LIMS2: variants seen among roughly 807,000 people sequenced by gnomAD.
LIMS2 encodes the protein LIM and senescent cell antigen-like-containing domain protein 2.
LIMS2 carries 30 observed loss-of-function variants against 45.3 expected under a neutral mutation model. The observed-to-expected ratio is 0.66, with a 90% CI of 0.50 to 0.90. LIMS2 has a LOEUF of 0.90. Ranked by LOEUF, LIMS2 falls within the 40% of genes least tolerant of loss-of-function variation. The probability of loss-of-function intolerance (pLI) is 0.00; values close to 1 mark genes in which losing one functional copy is unlikely to be tolerated. For synonymous variants in LIMS2, 173 were observed against 188.0 expected, an observed-to-expected ratio of 0.92 and a Z score of 0.65; for missense variants, 485 against 468.7, an observed-to-expected ratio of 1.03 and a Z score of -0.32.
At chr2:127,639,519 AG>A in intron 9 of LIMS2, 91 bp from the exon 10 acceptor site, 1 of 1,502,438 alleles carries the variant, frequency 6.7e-7, no homozygotes, top group Non-Finnish European at 9.1e-7. Flanking sequence ...CTCAGCCCCC[AG>A]CCTCCCCACA....
At chr2:127,659,464 G>GCC (rs1684474206) in intron 1 of LIMS2, among the ~76,000 whole-genome samples, 1 of 152,204 alleles carries the variant, frequency 6.6e-6, no homozygotes, top group South Asian at 2.1e-4. Context: ...CACCAAGGTG[G>GCC]AGCCTGGCCG....
rs1683096067 is a variant in LIMS2 at position 127,647,292 on chromosome 2, G to A, written c.360-4220C>T. ...GAGACAACTCCATGGCAAACTCTGA[G>A]ACTGAGTCACACTCCCCACCCTGGC... is the stretch of plus-strand genomic sequence containing the variant. On this transcript the variant is annotated intron_variant, in intron 4 of 9. Coordinates refer to ENST00000355119, the MANE Select transcript of LIMS2 (RefSeq NM_001161403.3). This position sits in a 1 kb window ranked among gnomAD's most constrained non-coding sequence, Gnocchi z 4.3. Among the ~76,000 whole-genome samples, 2 of 152,276 alleles carry A rather than the reference G, an allele frequency of 1.3e-5. No individual in the cohort carries two copies. Among genetic ancestry groups the A allele is most frequent in the Admixed American group, 6.5e-5 (1 of 15,306 alleles).
chr2:127,651,085 C>T, intron 4 of LIMS2: 1 of 1,613,742 alleles, frequency 6.2e-7, no homozygotes, highest in South Asian at 1.1e-5. Context: ...AACATGTACG[C>T]CAGCATCTAC....
At chr2:127,643,132 C>A in intron 4 of LIMS2, 60 bp from the exon 5 acceptor site, 1 of 1,515,384 alleles carries the variant, frequency 6.6e-7, no homozygotes, top group South Asian at 1.2e-5. Context: ...TGGCCACCTC[C>A]AGGAGAAGAG....
At chr2:127,644,434 C>G (rs1682746257) in intron 4 of LIMS2, among the ~76,000 whole-genome samples, 1 of 152,210 alleles carries the variant, frequency 6.6e-6, no homozygotes, top group Admixed American at 6.5e-5. Flanking sequence ...GAAGCCCACC[C>G]TTGCCCAGAC....
intron 4 of LIMS2, chr2:127,652,060 T>C: frequency 2.6e-6 from 1 of 378,170 alleles, no homozygotes. Context: ...GGCCTTTCTT[T>C]CCCGCTAGGC....
rs1044930637 is a variant in LIMS2, at chr2:127,667,787, C to T, written c.11+7227G>A. Among the ~76,000 whole-genome samples, 1 of 152,190 alleles carries T rather than the reference C, an allele frequency of 6.6e-6. No individual in the cohort carries two copies. The highest frequency in any genetic ancestry group is 2.4e-5 in the African/African-American group (1 of 41,446). On this transcript the variant is annotated intron_variant, in intron 1 of 9. Transcript: ENST00000355119. This position sits in a 1 kb window ranked among gnomAD's most constrained non-coding sequence, Gnocchi z 4.1. Reference sequence around the variant, plus strand: ...TTTCCTCCTAAGGTCAGGGGGATTTCCAGTCCGCTATTTGTTTTCAACATT... The same window carrying T: ...TTTCCTCCTAAGGTCAGGGGGATTTTCAGTCCGCTATTTGTTTTCAACATT...
chr2:127,669,784 T>C (rs1296383801), intron 1 of LIMS2, among the ~76,000 whole-genome samples: 2 of 152,236 alleles, frequency 1.3e-5, no homozygotes, highest in East Asian at 3.9e-4. Flanking sequence ...AAGGAACTCT[T>C]ACAATTCAAC....
upstream of LIMS2, among the ~76,000 whole-genome samples, chr2:127,675,960 G>A (rs1685488439): frequency 6.6e-6 from 1 of 152,268 alleles, no homozygotes; most frequent in Non-Finnish European, 1.5e-5. Flanking sequence ...CAGCTCCCAG[G>A]TTTCCAGGGG....
chr2:127,663,532 C>T (rs1326530696), intron 1 of LIMS2, among the ~76,000 whole-genome samples: 2 of 152,182 alleles, frequency 1.3e-5, no homozygotes, highest in African/African-American at 4.8e-5. Context: ...TGAGAGTGGG[C>T]TATGCTTGCC....
At chr2:127,649,621 A>G (rs1683490933) in intron 4 of LIMS2, among the ~76,000 whole-genome samples, 1 of 152,240 alleles carries the variant, frequency 6.6e-6, no homozygotes, top group Non-Finnish European at 1.5e-5. Context: ...TTGGGGAGGC[A>G]GAGTGTTTGG....
intron 4 of LIMS2, chr2:127,650,950 A>G: frequency 6.2e-7 from 1 of 1,613,914 alleles, no homozygotes; most frequent in Non-Finnish European, 8.5e-7. Context: ...TTCCTGATGC[A>G]TCTGGCCGTG....
At position 127,643,264 on chromosome 2, in the gene LIMS2, G is replaced by A. The variant is rs185590438; in HGVS notation, c.360-192C>T. The A allele has an allele frequency of 1.2e-4, 75 of 618,452 alleles. No individual in the cohort carries two copies. The African/African-American group carries it at 1.4e-3, about 11-fold the overall frequency. The allele number at this position is 618,452 out of a possible 1,614,324, so 38.3% of individuals were successfully genotyped here. A position where few individuals can be genotyped will look rare whatever the true frequency, so the allele number is the denominator to read the frequency against. On this transcript the variant is annotated intron_variant, in intron 4 of 9. Coordinates refer to ENST00000355119, the MANE Select transcript of LIMS2 (RefSeq NM_001161403.3). ...AGGTCACAAGTGTGTCCTGGGAATG[G>A]GACGCATGCTCAGCAGGAAAGATGC...
chr2:127,660,232 C>T (rs1202754805), intron 1 of LIMS2, among the ~76,000 whole-genome samples: 1 of 152,162 alleles, frequency 6.6e-6, no homozygotes, highest in Non-Finnish European at 1.5e-5. Flanking sequence ...AATTAGCACT[C>T]TGTAAAATGG....
Position 127,653,882 on chromosome 2 carries a change from G to C in LIMS2, c.359+542C>G, listed in dbSNP as rs1429001084. On this transcript the variant is annotated intron_variant, in intron 4 of 9. Transcript: ENST00000355119. The surrounding 1 kb of genome is among the most constrained non-coding windows in gnomAD (Gnocchi z 5.3). ...GAGTGGCGTGGAGAAGCAAGCCCTGGAGAAAGTGTGGGGATGAACAGGGCT... is the reference window on the plus strand; with the variant it reads ...GAGTGGCGTGGAGAAGCAAGCCCTGCAGAAAGTGTGGGGATGAACAGGGCT... Among the ~76,000 whole-genome samples, 1 of 152,108 alleles carries C rather than the reference G, an allele frequency of 6.6e-6. No homozygotes were observed. The highest frequency in any genetic ancestry group is 2.4e-5 in the African/African-American group (1 of 41,416).
intron 1 of LIMS2, chr2:127,673,984 T>C (rs1685396575): frequency 1.9e-6 from 1 of 520,316 alleles, no homozygotes. Context: ...GGGAAGTGTG[T>C]CTGGAGGGCA....
rs898421483 is a variant in LIMS2 at position 127,639,523 on chromosome 2, T to C, written c.879-95A>G. ...AGTGGGCTTCCCTCAGCCCCCAGCC[T>C]CCCCACACCAGCCTCTCCTAGCCAG... On this transcript the variant is annotated intron_variant, in intron 9 of 9. Transcript: ENST00000355119. 55 of 1,468,258 alleles carry C rather than the reference T, an allele frequency of 3.7e-5. No homozygotes were observed. The East Asian group carries it at 5.5e-4, about 15-fold the overall frequency. 91.0% of individuals were successfully genotyped at this position (1,468,258 alleles called of 1,614,324 possible). A position where few individuals can be genotyped will look rare whatever the true frequency, so the allele number is the denominator to read the frequency against.
chr2:127,657,296 G>T, intron 2 of LIMS2, 107 bp downstream of exon 2: 1 of 1,365,670 alleles, frequency 7.3e-7, no homozygotes, highest in South Asian at 1.2e-5. Flanking sequence ...GCTGGCTCCA[G>T]ACCTGGCCCT....
chr2:127,639,131 A>G lies in LIMS2; in HGVS notation c.*150T>C, dbSNP rs1436221782. The G allele has an allele frequency of 1.2e-6, 1 of 803,626 alleles. No individual in the cohort carries two copies. The highest frequency in any genetic ancestry group is 1.7e-5 in the African/African-American group (1 of 57,964). The allele number at this position is 803,626 out of a possible 1,614,324, so 49.8% of individuals were successfully genotyped here. ...GAGGAGAGACATGGGGAAGGCAGAG[A>G]TGAGGGAACAGGAAGGGAGAAGGCA... On this transcript the variant is annotated 3_prime_UTR_variant, in exon 10 of 10. Coordinates refer to ENST00000355119, the MANE Select transcript of LIMS2 (RefSeq NM_001161403.3).
Sources: gnomAD v4.1 joint callset for allele counts (sites outside exome capture counted in the v4.1 genomes callset) on GRCh38, gnomAD v4.1.1 for gene constraint, Gnocchi (gnomAD v3.1) non-coding constraint, MANE v1.5 for transcripts, NCBI Gene and HGNC (gene_info 2026-07-23, HGNC 2026-07-21) for gene names.